The following LDLRAD4 variants were observed in gnomAD, a reference collection of about 807,000 sequenced individuals.
LDLRAD4 encodes low-density lipoprotein receptor class A domain-containing protein 4.
Under a neutral mutation model 17.0 loss-of-function variants are expected in LDLRAD4, and 5 were observed. The ratio of observed to expected loss-of-function variants is 0.29; its 90% CI spans 0.15 to 0.62. The LOEUF (loss-of-function observed/expected upper bound fraction) is 0.62, where lower values mean the gene tolerates loss of function less well. Ranked by LOEUF, LDLRAD4 falls within the 20% of genes least tolerant of loss-of-function variation. LDLRAD4 has a pLI of 0.84. For synonymous variants in LDLRAD4, 168 were observed against 171.8 expected, an observed-to-expected ratio of 0.98 and a Z score of 0.17; for missense variants, 340 against 424.7, an observed-to-expected ratio of 0.80 and a Z score of 1.75.
chr18:13,466,472 CAAAAAA>C (rs5823251), intron 3 of LDLRAD4, among the ~76,000 whole-genome samples: 1 of 108,466 alleles, frequency 9.2e-6, no homozygotes. Flanking sequence ...CTTGTTTCAC[CAAAAAA>C]AAAAAAAAAA....
At chr18:13,412,972 G>T (rs563593712) in intron 2 of LDLRAD4, among the ~76,000 whole-genome samples, 2 of 152,194 alleles carry the variant, frequency 1.3e-5, no homozygotes, top group Non-Finnish European at 2.9e-5. Context: ...CTCCTGGTAC[G>T]TAGTAAGGGC....
chr18:13,429,492 T>C (rs994606845), intron 2 of LDLRAD4, among the ~76,000 whole-genome samples: 1 of 152,192 alleles, frequency 6.6e-6, no homozygotes, highest in African/African-American at 2.4e-5. Context: ...AATTCAGGAA[T>C]CCATTTTTAA....
chr18:13,407,832 C>T (rs1038967663), intron 2 of LDLRAD4, among the ~76,000 whole-genome samples: 2 of 152,198 alleles, frequency 1.3e-5, no homozygotes, highest in Non-Finnish European at 2.9e-5. Flanking sequence ...GTCTGTCCCA[C>T]CACGTTCCTG....
At chr18:13,321,908 G>GAAAAAGAATAAAAAGAAT (rs140998831) in intron 1 of LDLRAD4, among the ~76,000 whole-genome samples, 1 of 92,336 alleles carries the variant, frequency 1.1e-5, no homozygotes, top group Non-Finnish European at 2.2e-5. Context: ...AAAAAGAAAA[G>GAAAAAGAATAAAAAGAAT]AAAAAGAATA....
At chr18:13,363,443 G>A (rs1374760507) in intron 1 of LDLRAD4, among the ~76,000 whole-genome samples, 1 of 151,980 alleles carries the variant, frequency 6.6e-6, no homozygotes, top group Non-Finnish European at 1.5e-5. Context: ...AAGGGAGAGT[G>A]GAAATTCAAA....
At chr18:13,220,344 T>C (rs532159525) in intron 1 of LDLRAD4, among the ~76,000 whole-genome samples, 1 of 152,370 alleles carries the variant, frequency 6.6e-6, no homozygotes, top group South Asian at 2.1e-4. Flanking sequence ...TTGGAAGGGC[T>C]TGCCATTGTT....
At chr18:13,477,673 T>G (rs563321556) in intron 3 of LDLRAD4, among the ~76,000 whole-genome samples, 1 of 152,200 alleles carries the variant, frequency 6.6e-6, no homozygotes, top group Non-Finnish European at 1.5e-5. Flanking sequence ...AACTACAGTT[T>G]GGAGAGCAAA....
At chr18:13,252,935 A>T (rs1041419298) in intron 1 of LDLRAD4, among the ~76,000 whole-genome samples, 10 of 152,178 alleles carry the variant, frequency 6.6e-5, no homozygotes, top group Non-Finnish European at 1.0e-4. Flanking sequence ...GGTTTTCCAG[A>T]CCACTAGCTG....
At chr18:13,513,447 T>C (rs565022470) in intron 3 of LDLRAD4, among the ~76,000 whole-genome samples, 1 of 152,312 alleles carries the variant, frequency 6.6e-6, no homozygotes, top group East Asian at 1.9e-4. Flanking sequence ...CATACTTATA[T>C]AGTTAAGAAG....
chr18:13,461,877 C>T (rs2146578549), intron 3 of LDLRAD4, among the ~76,000 whole-genome samples: 1 of 152,310 alleles, frequency 6.6e-6, no homozygotes, highest in South Asian at 2.1e-4. Flanking sequence ...GGGGTCCAGT[C>T]AGAGGTACTT....
At chr18:13,375,231 G>T (rs904050994) in intron 1 of LDLRAD4, among the ~76,000 whole-genome samples, 3 of 152,188 alleles carry the variant, frequency 2.0e-5, no homozygotes, top group Non-Finnish European at 4.4e-5. Flanking sequence ...GGAGAGGCCG[G>T]TGGAAAAGGA....
intron 2 of LDLRAD4, among the ~76,000 whole-genome samples, chr18:13,402,364 G>A (rs548637279): frequency 2.4e-4 from 36 of 152,242 alleles, no homozygotes; most frequent in Non-Finnish European, 3.5e-4. Context: ...CACTTCTAGC[G>A]TTAATGGTTC....
intron 2 of LDLRAD4, chr18:13,427,483 G>A (rs1454622460): frequency 6.6e-5 from 10 of 152,612 alleles, no homozygotes; most frequent in Non-Finnish European, 1.5e-5. Context: ...AATAAGACAG[G>A]TGGAGAAATC....
chr18:13,623,049 G>A (rs1412534651), intron 4 of LDLRAD4, among the ~76,000 whole-genome samples: 8 of 152,158 alleles, frequency 5.3e-5, no homozygotes, highest in Non-Finnish European at 1.0e-4. Context: ...ACCCAGCCCC[G>A]CTTGCTGTCC....
chr18:13,293,039 C>T (rs1353301818), intron 1 of LDLRAD4, among the ~76,000 whole-genome samples: 1 of 152,238 alleles, frequency 6.6e-6, no homozygotes, highest in Non-Finnish European at 1.5e-5. Flanking sequence ...TGCTGTGAAC[C>T]TTCACTGCTG....
At chr18:13,267,305 C>T (rs1231441200) in intron 1 of LDLRAD4, among the ~76,000 whole-genome samples, 1 of 152,278 alleles carries the variant, frequency 6.6e-6, no homozygotes, top group African/African-American at 2.4e-5. Context: ...GTCAGTTTCA[C>T]GCGTGTGTGT....
rs991991757 is a variant in LDLRAD4 at position 13,247,294 on chromosome 18, C to T, written c.-467+28306C>T. On this transcript the variant is annotated intron_variant, in intron 1 of 5. Coordinates refer to the LDLRAD4 transcript ENST00000399848. ...AAGATTGTGCAGAGTTCCTATATGC[C>T]CTGCTTCCTGTAAAGGCATTAACAT... is the stretch of plus-strand genomic sequence containing the variant. 7.2e-5 allele frequency among the ~76,000 whole-genome samples: 11 copies of T among 152,036 alleles called. No individual in the cohort carries two copies. The South Asian group carries it at 2.3e-3, about 32-fold the overall frequency.
At chr18:13,293,518 C>T (rs894641226) in intron 1 of LDLRAD4, among the ~76,000 whole-genome samples, 1 of 152,152 alleles carries the variant, frequency 6.6e-6, no homozygotes, top group Non-Finnish European at 1.5e-5. Flanking sequence ...ATGAGCTGGC[C>T]AGGCCAGTGT....
In LDLRAD4 at chr18:13,621,105, C is replaced by T; in HGVS notation, c.182-12C>T. 7 of 1,614,190 alleles carry T rather than the reference C, an allele frequency of 4.3e-6. No homozygotes were observed. Among genetic ancestry groups the T allele is most frequent in the Non-Finnish European group, 5.9e-6 (7 of 1,180,032 alleles). ...GGGCCAGGTGGCTAACCACTCTCCT[C>T]TTCCATGGCAGCGGAGCTGGAGTTC... is the stretch of plus-strand genomic sequence containing the variant. On this transcript the variant is annotated splice_polypyrimidine_tract_variant and intron_variant, in intron 3 of 5. Transcript: ENST00000359446. This position sits in a 1 kb window ranked among gnomAD's most constrained non-coding sequence, Gnocchi z 5.5.
Sources: gnomAD v4.1 joint callset for allele counts (sites outside exome capture counted in the v4.1 genomes callset) on GRCh38, gnomAD v4.1.1 for gene constraint, Gnocchi (gnomAD v3.1) non-coding constraint, MANE v1.5 for transcripts, NCBI Gene and HGNC (gene_info 2026-07-23, HGNC 2026-07-21) for gene names.